The following CADM2 variants were observed in gnomAD, a reference collection of about 807,000 sequenced individuals.
CADM2 encodes the protein cell adhesion molecule 2, also known as immunoglobulin superfamily member 4D.
A neutral mutation model predicts 49.8 loss-of-function variants in CADM2; 12 were observed. The observed-to-expected ratio is 0.24, with a 90% CI of 0.15 to 0.39. The LOEUF (loss-of-function observed/expected upper bound fraction) is 0.39, where lower values mean the gene tolerates loss of function less well. Ranked by LOEUF, CADM2 falls within the 10% of genes least tolerant of loss-of-function variation. CADM2 has a pLI of 1.00. For synonymous variants in CADM2, 214 were observed against 175.4 expected (o/e 1.22, Z -1.74); for missense variants, 378 against 492.3 (o/e 0.77, Z 2.20).
chr3:85,610,305 C>T (rs905304006), intron 1 of CADM2, among the ~76,000 whole-genome samples: 19 of 151,808 alleles, frequency 1.3e-4, no homozygotes, highest in Non-Finnish European at 1.3e-4. Flanking sequence ...ATTGTGAATA[C>T]CTATGCTTTT....
intron 2 of CADM2, among the ~76,000 whole-genome samples, chr3:85,799,781 C>T (rs144443418): frequency 6.6e-5 from 10 of 152,302 alleles, no homozygotes; most frequent in African/African-American, 2.4e-4. Flanking sequence ...TGGCACCTGC[C>T]AGATGCCAGC....
At chr3:85,233,056 A>G (rs927705577) in intron 1 of CADM2, among the ~76,000 whole-genome samples, 3 of 152,214 alleles carry the variant, frequency 2.0e-5, no homozygotes, top group Non-Finnish European at 4.4e-5. Flanking sequence ...TTACTTATTT[A>G]TAAGAGGAAA....
At chr3:85,385,082 C>T (rs1373383474) in intron 1 of CADM2, among the ~76,000 whole-genome samples, 8 of 151,910 alleles carry the variant, frequency 5.3e-5, no homozygotes, top group Non-Finnish European at 7.4e-5. Flanking sequence ...ACTACAGGTG[C>T]GCTCCAGCAC....
chr3:85,708,345 A>G (rs764368424), intron 1 of CADM2, among the ~76,000 whole-genome samples: 1 of 152,280 alleles, frequency 6.6e-6, no homozygotes, highest in Admixed American at 6.5e-5. Flanking sequence ...TGTTACATCA[A>G]ATGAAGAGTA....
intron 1 of CADM2, among the ~76,000 whole-genome samples, chr3:85,596,115 G>A (rs953939705): frequency 6.6e-6 from 1 of 151,490 alleles, no homozygotes; most frequent in Non-Finnish European, 1.5e-5. Flanking sequence ...TGAAAAATAT[G>A]TATTATGCAT....
chr3:85,045,220 C>T (rs930182666), intron 1 of CADM2, among the ~76,000 whole-genome samples: 9 of 152,054 alleles, frequency 5.9e-5, no homozygotes, highest in African/African-American at 1.4e-4. Context: ...ATTAATGTGG[C>T]GCAAGATTTA....
At chr3:85,571,351 A>C (rs2107244017) in intron 1 of CADM2, among the ~76,000 whole-genome samples, 1 of 152,218 alleles carries the variant, frequency 6.6e-6, no homozygotes, top group Admixed American at 6.5e-5. Context: ...TTAGTGCAAT[A>C]GAATTATGAC....
chr3:85,355,661 C>T (rs766090916), intron 1 of CADM2, among the ~76,000 whole-genome samples: 31 of 151,950 alleles, frequency 2.0e-4, no homozygotes, highest in Non-Finnish European at 3.2e-4. Context: ...AATAAAATCG[C>T]GAAAACATAG....
chr3:85,365,272 G>T (rs1333484693), intron 1 of CADM2, among the ~76,000 whole-genome samples: 1 of 146,548 alleles, frequency 6.8e-6, no homozygotes, highest in African/African-American at 2.5e-5. Flanking sequence ...TAAAATGAAG[G>T]CTGCAATCAG....
intron 1 of CADM2, among the ~76,000 whole-genome samples, chr3:85,218,795 C>G (rs2041986882): frequency 6.6e-6 from 1 of 152,050 alleles, no homozygotes; most frequent in South Asian, 2.1e-4. Flanking sequence ...GACTCCGTCT[C>G]AAAATAAATA....
At chr3:85,282,615 C>T (rs992423904) in intron 1 of CADM2, among the ~76,000 whole-genome samples, 17 of 151,598 alleles carry the variant, frequency 1.1e-4, no homozygotes, top group Admixed American at 1.3e-4. Flanking sequence ...ATATAGATTT[C>T]GAGAGAATTA....
chr3:85,041,821 G>A (rs2035455002), intron 1 of CADM2, among the ~76,000 whole-genome samples: 1 of 152,174 alleles, frequency 6.6e-6, no homozygotes, highest in South Asian at 2.1e-4. Flanking sequence ...GACAGGCAGT[G>A]GCTTTTCAGC....
chr3:85,264,776 G>A (rs1434552433), intron 1 of CADM2, among the ~76,000 whole-genome samples: 1 of 152,032 alleles, frequency 6.6e-6, no homozygotes, highest in South Asian at 2.1e-4. Context: ...TGAGGTTGGA[G>A]TATGTATTAT....
At chr3:85,632,457 G>A (rs1189008160) in intron 1 of CADM2, among the ~76,000 whole-genome samples, 5 of 152,052 alleles carry the variant, frequency 3.3e-5, no homozygotes, top group Admixed American at 2.0e-4. Flanking sequence ...AGAATAATGC[G>A]TCGAGAGCTG....
chr3:85,820,035 G>A (rs2073455474), intron 3 of CADM2, among the ~76,000 whole-genome samples: 1 of 152,072 alleles, frequency 6.6e-6, no homozygotes, highest in Admixed American at 6.6e-5. Context: ...CAGAGAGGTA[G>A]AAGTGTCATG....
At chr3:85,231,660 C>CAA (rs201298905) in intron 1 of CADM2, among the ~76,000 whole-genome samples, 253 of 147,074 alleles carry the variant, frequency 1.7e-3, no homozygotes, top group African/African-American at 6.1e-3. Flanking sequence ...GTCTGGGGCT[C>CAA]AAAAAACAAA....
intron 3 of CADM2, among the ~76,000 whole-genome samples, chr3:85,869,502 TCACAGGTGGTCC>T (rs1349835084): frequency 6.6e-6 from 1 of 152,144 alleles, no homozygotes; most frequent in Admixed American, 6.5e-5. Context: ...GGTGAATTAA[TCACAGGTGGTCC>T]CATAGATCTC....
At chr3:85,292,962 A>G (rs1190670798) in intron 1 of CADM2, among the ~76,000 whole-genome samples, 1 of 150,666 alleles carries the variant, frequency 6.6e-6, no homozygotes, top group Non-Finnish European at 1.5e-5. Flanking sequence ...AAGGAAATAG[A>G]GACACAAAAA....
intron 1 of CADM2, among the ~76,000 whole-genome samples, chr3:85,287,984 T>G (rs1033263031): frequency 1.3e-5 from 2 of 150,870 alleles, no homozygotes; most frequent in Admixed American, 6.6e-5. Context: ...CATTAGGAGA[T>G]ATACCTAATG....
Sources: gnomAD v4.1 joint callset for allele counts (sites outside exome capture counted in the v4.1 genomes callset) on GRCh38, gnomAD v4.1.1 for gene constraint, MANE v1.5 for transcripts, NCBI Gene and HGNC (gene_info 2026-07-23, HGNC 2026-07-21) for gene names.